The following USP36 variants were observed in gnomAD, a reference collection of about 807,000 sequenced individuals.
The protein encoded by USP36 is ubiquitin carboxyl-terminal hydrolase 36.
Under a neutral mutation model 111.5 loss-of-function variants are expected in USP36, and 59 were observed. The ratio of observed to expected loss-of-function variants is 0.53; its 90% CI spans 0.43 to 0.66. USP36 has a LOEUF of 0.66. Among genes scored for constraint, USP36 ranks in the 30% least tolerant of loss-of-function variants. USP36 has a pLI of 0.00. For synonymous variants in USP36, 628 were observed against 581.0 expected (o/e 1.08, Z -1.16); for missense variants, 1,488 against 1,468.0 (o/e 1.01, Z -0.22).
At chr17:78,832,190 T>A (rs910343457) in intron 4 of USP36, among the ~76,000 whole-genome samples, 1 of 152,210 alleles carries the variant, frequency 6.6e-6, no homozygotes, top group Non-Finnish European at 1.5e-5. Flanking sequence ...ATTTACACAG[T>A]GTTTCTCTTC....
Sources: gnomAD v4.1 joint callset for allele counts (sites outside exome capture counted in the v4.1 genomes callset) on GRCh38, gnomAD v4.1.1 for gene constraint, MANE v1.5 for transcripts, NCBI Gene and HGNC (gene_info 2026-07-23, HGNC 2026-07-21) for gene names.